ZYG11A: variants seen among roughly 807,000 people sequenced by gnomAD.
ZYG11A encodes protein zyg-11 homolog A.
Under a neutral mutation model 77.2 loss-of-function variants are expected in ZYG11A, and 62 were observed. That is an observed-to-expected ratio of 0.80 (90% confidence interval 0.65 to 0.99). ZYG11A has a LOEUF of 0.99. Ranked by LOEUF, ZYG11A falls within the 50% of genes least tolerant of loss-of-function variation. The pLI is 0.00. For synonymous variants in ZYG11A, 315 were observed against 324.6 expected (o/e 0.97, Z 0.32); for missense variants, 828 against 896.8 (o/e 0.92, Z 0.98).
At chr1:52,874,233 C>G (rs1006123189) in intron 8 of ZYG11A, among the ~76,000 whole-genome samples, 3 of 108,842 alleles carry the variant, frequency 2.8e-5, no homozygotes, top group Admixed American at 8.3e-5. Flanking sequence ...TTTTAGCTCT[C>G]TCTCTCTATA....
At chr1:52,892,579 C>CA (rs1355444218) in intron 13 of ZYG11A, among the ~76,000 whole-genome samples, 1 of 151,730 alleles carries the variant, frequency 6.6e-6, no homozygotes, top group African/African-American at 2.4e-5. Flanking sequence ...TGGAAGTAAA[C>CA]ATACTAAAAT....
intron 1 of ZYG11A, among the ~76,000 whole-genome samples, chr1:52,849,313 C>G (rs1176784226): frequency 6.6e-6 from 1 of 152,012 alleles, no homozygotes; most frequent in Admixed American, 6.6e-5. Flanking sequence ...TGTGATCTGC[C>G]CACCTCAGCC....
At chr1:52,859,927 T>A (rs565208558) in intron 3 of ZYG11A, among the ~76,000 whole-genome samples, 28 of 152,088 alleles carry the variant, frequency 1.8e-4, no homozygotes, top group African/African-American at 6.7e-4. Context: ...ATCTGCCCAC[T>A]TTGGCCTCCC....
At chr1:52,861,863 C>T (rs1161683514) in intron 4 of ZYG11A, among the ~76,000 whole-genome samples, 3 of 151,962 alleles carry the variant, frequency 2.0e-5, no homozygotes, top group Non-Finnish European at 4.4e-5. Flanking sequence ...CAAGACTAGC[C>T]TGATCAACAT....
intron 2 of ZYG11A, 137 bp downstream of exon 2, chr1:52,854,767 G>A: frequency 1.1e-6 from 1 of 921,938 alleles, no homozygotes. Context: ...CACTCTTTCT[G>A]GGATTCCATG....
At chr1:52,883,379 C>G (rs1003448768) in intron 11 of ZYG11A, among the ~76,000 whole-genome samples, 1 of 151,786 alleles carries the variant, frequency 6.6e-6, no homozygotes, top group Non-Finnish European at 1.5e-5. Context: ...CTGCCTTGGC[C>G]TCCTGAAGTG....
At chr1:52,869,346 C>T (rs961060004) in intron 8 of ZYG11A, among the ~76,000 whole-genome samples, 2 of 147,558 alleles carry the variant, frequency 1.4e-5, no homozygotes, top group African/African-American at 5.0e-5. Context: ...AGCAGATAAA[C>T]AAGTGAACAA....
At chr1:52,852,804 C>T (rs1645739152) in intron 1 of ZYG11A, among the ~76,000 whole-genome samples, 1 of 152,120 alleles carries the variant, frequency 6.6e-6, no homozygotes, top group Admixed American at 6.6e-5. Flanking sequence ...TCTGGCCTAC[C>T]TTAAATGTGC....
At chr1:52,878,014 AACCTAAC>A (rs1646292386) in intron 10 of ZYG11A, 45 bp downstream of exon 10, 1 of 1,486,348 alleles carries the variant, frequency 6.7e-7, no homozygotes, top group Non-Finnish European at 9.2e-7. Flanking sequence ...TTAAAAGCAA[AACCTAAC>A]ACTTATATAG....
chr1:52,892,962 A>C lies in ZYG11A; in HGVS notation c.*5A>C. Reference sequence around the variant, plus strand: ...CTGTGTCAAATGCCCTTCTGAACCTAAGGAATTTCAGAGGTGTGTGCTCTT... The same window carrying C: ...CTGTGTCAAATGCCCTTCTGAACCTCAGGAATTTCAGAGGTGTGTGCTCTT... On this transcript the variant is annotated 3_prime_UTR_variant, in exon 14 of 14. Transcript: ENST00000371528. 1.3e-6 allele frequency: 2 copies of C among 1,550,434 alleles called. No individual in the cohort carries two copies. The highest frequency in any genetic ancestry group is 2.4e-5 in the East Asian group (1 of 40,898).
At chr1:52,880,765 G>GAAAT (rs1421175776) in intron 10 of ZYG11A, among the ~76,000 whole-genome samples, 4 of 152,148 alleles carry the variant, frequency 2.6e-5, no homozygotes, top group African/African-American at 9.7e-5. Context: ...GCAGCCACCA[G>GAAAT]AAATGAATTC....
intron 2 of ZYG11A, among the ~76,000 whole-genome samples, chr1:52,856,485 T>C (rs1371311209): frequency 1.3e-5 from 2 of 148,160 alleles, no homozygotes; most frequent in African/African-American, 5.0e-5. Context: ...AAAATATGTG[T>C]AGTAAATGAA....
chr1:52,873,308 G>A (rs186264564), intron 8 of ZYG11A, among the ~76,000 whole-genome samples: 1 of 152,270 alleles, frequency 6.6e-6, no homozygotes, highest in African/African-American at 2.4e-5. Context: ...GAAATACCCT[G>A]TCTCAAAAAC....
chr1:52,877,825 C>T lies in ZYG11A; in HGVS notation c.1686C>T (p.Ile562=), dbSNP rs1468353756. The change falls in exon 9 of 14, where the codon ATC becomes ATT. Residue 562 remains isoleucine, a synonymous_variant. Transcript: ENST00000371528. ...KHFIENQGLQ[I]FIQVLETFSE... The stretch of plus-strand genomic sequence containing the variant: ...TCATTGAAAATCAAGGATTGCAAAT[C>T]TTCATCCAAGTCTTGGAGGTGGGAA... The T allele has an allele frequency of 2.6e-6, 4 of 1,551,492 alleles. No homozygotes were observed. The highest frequency in any genetic ancestry group is 3.5e-6 in the Non-Finnish European group (4 of 1,146,930).
intron 8 of ZYG11A, among the ~76,000 whole-genome samples, chr1:52,868,113 G>T (rs569534568): frequency 3.3e-5 from 5 of 151,754 alleles, no homozygotes; most frequent in Admixed American, 3.3e-4. Context: ...TTATAGGCGG[G>T]TGTCACCACA....
chr1:52,884,346 A>G (rs960729722), intron 11 of ZYG11A, among the ~76,000 whole-genome samples: 4 of 152,002 alleles, frequency 2.6e-5, no homozygotes, highest in Non-Finnish European at 1.5e-5. Context: ...AATACAAAAA[A>G]TTAGCTGGGC....
At chr1:52,867,907 A>G in intron 8 of ZYG11A, 130 bp downstream of exon 8, 1 of 686,216 alleles carries the variant, frequency 1.5e-6, no homozygotes, top group South Asian at 2.0e-5. Flanking sequence ...TCTCCCCAGA[A>G]GAAACTTTCT....
rs555304662 is a variant in ZYG11A, at chr1:52,875,398, A to G, written c.1543-2284A>G. On this transcript the variant is annotated intron_variant, in intron 8 of 13. Coordinates refer to ENST00000371528, the MANE Select transcript of ZYG11A (RefSeq NM_001004339.3). Reference sequence around the variant, plus strand: ...AAAAAGATCGACTACATTAAGACATATTTTGTGCCCACGAGAAGAGTTCTA... The same window carrying G: ...AAAAAGATCGACTACATTAAGACATGTTTTGTGCCCACGAGAAGAGTTCTA... 1.7e-3 allele frequency among the ~76,000 whole-genome samples: 257 copies of G among 152,340 alleles called. 3 individuals carry two copies. Among genetic ancestry groups the G allele is most frequent in the Non-Finnish European group, 1.8e-3 (120 of 68,030 alleles).
chr1:52,862,513 C>T (rs979927243), intron 4 of ZYG11A, among the ~76,000 whole-genome samples: 4 of 151,490 alleles, frequency 2.6e-5, no homozygotes, highest in African/African-American at 7.3e-5. Flanking sequence ...GGGGTTTCAC[C>T]GTGTTAGCCA....
Sources: gnomAD v4.1 joint callset for allele counts (sites outside exome capture counted in the v4.1 genomes callset) on GRCh38, gnomAD v4.1.1 for gene constraint, MANE v1.5 for transcripts, NCBI Gene and HGNC (gene_info 2026-07-23, HGNC 2026-07-21) for gene names.